SLC25A6: variants seen among roughly 807,000 people sequenced by gnomAD.
SLC25A6 encodes the protein ADP/ATP translocase 3.
Under a neutral mutation model 25.7 loss-of-function variants are expected in SLC25A6, and 9 were observed. That is an observed-to-expected ratio of 0.35 (90% CI 0.21 to 0.61). SLC25A6 has a LOEUF of 0.61. Ranked by LOEUF, SLC25A6 falls within the 20% of genes least tolerant of loss-of-function variation. The pLI is 0.76. For missense variants in SLC25A6, 404 were observed against 440.5 expected (o/e 0.92, Z 0.74); for synonymous variants, 223 against 197.0 (o/e 1.13, Z -1.11).
chrX:1,391,046 C>G (rs1300204011), intron 1 of SLC25A6, among the ~76,000 whole-genome samples: 2 of 147,748 alleles, frequency 1.4e-5, no homozygotes, highest in African/African-American at 5.0e-5. Context: ...CGGTCTTGCT[C>G]TGTTGCCCAG....
At chrX:1,388,451 C>T (rs1290768292) in intron 2 of SLC25A6, among the ~76,000 whole-genome samples, 1 of 151,922 alleles carries the variant, frequency 6.6e-6, no homozygotes, top group African/African-American at 2.4e-5. Flanking sequence ...GAGGAACCAG[C>T]CCTGCCCACA....
In SLC25A6 at chrX:1,386,692, G is replaced by C. The variant is rs757702129; in HGVS notation, c.807C>G (p.Ala269=). 6.6e-5 allele frequency: 107 copies of C among 1,612,826 alleles called. No individual in the cohort carries two copies. Among genetic ancestry groups the C allele is most frequent in the Non-Finnish European group, 8.3e-5 (98 of 1,179,336 alleles). The change falls in exon 4 of 4, where the codon GCC becomes GCG. Residue 269 remains alanine (A), a synonymous_variant. Transcript: ENST00000381401. Reference sequence around the variant, plus strand: ...CGTTGGACCACGCACCCTTGAAGAAGGCCTTGCCCCCCTCATCTCTGAAGA... The same window carrying C: ...CGTTGGACCACGCACCCTTGAAGAACGCCTTGCCCCCCTCATCTCTGAAGA... ...RKIFRDEGGK[A]FFKGAWSNVL... is the part of the protein sequence containing the mutation.
rs773910005 is a variant in SLC25A6 at position 1,390,533 on chromosome X, G to A, written c.112-806C>T. ...GCGGAGGCTACAGTGAGCCGAGATCGTGCCACTGCACTCCAGCCTGGGCGA... is the reference window on the plus strand; with the variant it reads ...GCGGAGGCTACAGTGAGCCGAGATCATGCCACTGCACTCCAGCCTGGGCGA... On this transcript the variant is annotated intron_variant, in intron 1 of 3. Coordinates refer to ENST00000381401, the MANE Select transcript of SLC25A6 (RefSeq NM_001636.4). Among the ~76,000 whole-genome samples, 209 of 151,400 alleles carry A rather than the reference G, an allele frequency of 1.4e-3. 1 individual carries two copies. Among genetic ancestry groups the A allele is most frequent in the African/African-American group, 4.4e-3 (182 of 41,194 alleles).
chrX:1,389,387 T>C lies in SLC25A6; in HGVS notation c.452A>G (p.Glu151Gly), dbSNP rs1334793541. The C allele has an allele frequency of 6.8e-6, 11 of 1,613,638 alleles. No homozygotes were observed. Among genetic ancestry groups the C allele is most frequent in the Middle Eastern group, 1.7e-4 (1 of 5,936 alleles). The change falls in exon 2 of 4, where the codon GAG becomes GGG. Residue 151 changes from glutamate (E) to glycine (G), a missense_variant. By Grantham distance (98) the Glu-to-Gly change is moderately conservative. Transcript: ENST00000381401. ...GTCTCCCAGGCCTCGGAACTCGCGC[T>C]CTGTGCCTGACTTTCCCACGTCCGC... ...LAADVGKSGT[E>G]REFRGLGDCL...
chrX:1,387,232 C>T lies in SLC25A6; in HGVS notation c.739+47G>A, dbSNP rs368012011. The T allele has an allele frequency of 1.6e-3, 2,555 of 1,602,150 alleles. 4 individuals are homozygous for T. The highest frequency in any genetic ancestry group is 3.3e-3 in the Middle Eastern group (16 of 4,842). On this transcript the variant is annotated intron_variant, in intron 3 of 3. Transcript: ENST00000381401. ...CCTCCCACGGGCCTAGGGCAAGGAG[C>T]TTGGTTCCCCTTCCCGGCAGCAAGG...
At chrX:1,389,094 A>G in intron 2 of SLC25A6, 147 bp downstream of exon 2, 11 of 758,006 alleles carry the variant, frequency 1.5e-5, no homozygotes, top group Non-Finnish European at 2.1e-5. Flanking sequence ...CACAGGGAGA[A>G]GACGGCGTCT....
At chrX:1,387,459 CG>C in intron 2 of SLC25A6, 40 bp from the exon 3 acceptor site, 1 of 1,605,722 alleles carries the variant, frequency 6.2e-7, no homozygotes, top group Non-Finnish European at 8.5e-7. Flanking sequence ...AGCGCCTGCA[CG>C]GCCACCCGAG....
chrX:1,389,219 T>C (rs1210499315), intron 2 of SLC25A6, 22 bp downstream of exon 2: 1 of 1,603,500 alleles, frequency 6.2e-7, no homozygotes, highest in East Asian at 2.2e-5. Flanking sequence ...CTCTGGGACT[T>C]CGCGATGGCA....
chrX:1,391,896 CA>C lies in SLC25A6; in HGVS notation c.111+2del. The C allele has an allele frequency of 6.3e-7, 1 of 1,598,302 alleles. No homozygotes were observed. The highest frequency in any genetic ancestry group is 8.5e-7 in the Non-Finnish European group (1 of 1,174,184). On this transcript the variant is annotated splice_donor_variant, in intron 1 of 3. Transcript: ENST00000381401. LOFTEE classifies it high-confidence loss of function. ...CCCGGAGCGGCCGCGCCCGCGTCCC[CA>C]CCTGCAGCAGCAGCTTGACCCGCTC... is the stretch of plus-strand genomic sequence containing the variant.
At chrX:1,391,374 G>A (rs1383690232) in intron 1 of SLC25A6, among the ~76,000 whole-genome samples, 1 of 152,136 alleles carries the variant, frequency 6.6e-6, no homozygotes, top group African/African-American at 2.4e-5. Flanking sequence ...TCTCCCAAAA[G>A]ACAAAAAATG....
chrX:1,391,911 C>T lies in SLC25A6; in HGVS notation c.99G>A (p.Lys33=), dbSNP rs2089419389. 6.2e-7 allele frequency: 1 copy of T among 1,607,066 alleles called. No homozygotes were observed. The highest frequency in any genetic ancestry group is 1.3e-5 in the African/African-American group (1 of 74,758). The stretch of plus-strand genomic sequence containing the variant: ...CCCGCGTCCCCACCTGCAGCAGCAG[C>T]TTGACCCGCTCGATCGGAGCCACGG... The part of the protein sequence containing the change: ...KTAVAPIERV[K]LLLQVQHASK... Residue 33 remains lysine (K), a synonymous_variant, in exon 1 of 4, where the codon AAG becomes AAA. Transcript: ENST00000381401.
chrX:1,389,595 A>C lies in SLC25A6; in HGVS notation c.244T>G (p.Phe82Val), dbSNP rs770916675. The C allele has an allele frequency of 6.2e-7, 1 of 1,614,164 alleles. No homozygotes were observed. The highest frequency in any genetic ancestry group is 8.5e-7 in the Non-Finnish European group (1 of 1,180,020). ...RGNLANVIRY[F>V]PTQALNFAFK... The stretch of plus-strand genomic sequence containing the variant: ...GCGAAGTTGAGGGCTTGAGTGGGGA[A>C]GTAGCGAATGACGTTGGCAAGGTTG... The change falls in exon 2 of 4, where the codon TTC becomes GTC. Residue 82 changes from phenylalanine to valine, a missense_variant. Transcript: ENST00000381401.
intron 3 of SLC25A6, 44 bp downstream of exon 3, chrX:1,387,235 G>T (rs750828770): frequency 1.2e-5 from 19 of 1,602,964 alleles, no homozygotes; most frequent in Non-Finnish European, 1.4e-5. Flanking sequence ...CAAGGAGCTT[G>T]GTTCCCCTTC....
intron 2 of SLC25A6, among the ~76,000 whole-genome samples, 166 bp downstream of exon 2, chrX:1,389,075 C>G (rs1365671860): frequency 1.3e-5 from 2 of 151,896 alleles, no homozygotes; most frequent in Non-Finnish European, 2.9e-5. Context: ...AGGGATGATG[C>G]TGTGAGGGCA....
chrX:1,389,623 C>A lies in SLC25A6; in HGVS notation c.216G>T (p.Arg72Ser). The change falls in exon 2 of 4, where the codon AGG becomes AGT. Residue 72 changes from arginine to serine, a missense_variant. Coordinates refer to ENST00000381401, the MANE Select transcript of SLC25A6 (RefSeq NM_001636.4). The part of the protein sequence containing the change: ...PKEQGVLSFW[R>S]GNLANVIRYF... ...AGCGAATGACGTTGGCAAGGTTGCC[C>A]CTCCAGAAGGACAGCACGCCCTGCT... 6.2e-7 allele frequency: 1 copy of A among 1,614,118 alleles called. No individual in the cohort carries two copies. The highest frequency in any genetic ancestry group is 8.5e-7 in the Non-Finnish European group (1 of 1,180,022).
At chrX:1,388,907 C>A (rs2089363394) in intron 2 of SLC25A6, among the ~76,000 whole-genome samples, 1 of 151,330 alleles carries the variant, frequency 6.6e-6, no homozygotes, top group South Asian at 2.1e-4. Flanking sequence ...GGAACCAGCC[C>A]TGCCCACACC....
In SLC25A6 at chrX:1,386,568, G is replaced by A. The variant is rs1391053073; in HGVS notation, c.*34C>T. 9 of 1,359,340 alleles carry A rather than the reference G, an allele frequency of 6.6e-6. No individual in the cohort carries two copies. Among genetic ancestry groups the A allele is most frequent in the Non-Finnish European group, 7.9e-6 (8 of 1,014,326 alleles). 84.2% of individuals were successfully genotyped at this position (1,359,340 alleles called of 1,614,324 possible). A position where few individuals can be genotyped will look rare whatever the true frequency, so the allele number is the denominator to read the frequency against. On this transcript the variant is annotated 3_prime_UTR_variant, in exon 4 of 4. Transcript: ENST00000381401. Reference sequence around the variant, plus strand: ...TCTACGTGGTTCTCTTGGTTCCCCTGGTGTGTGTGTGTGTGTGGAGGAGGC... The same window carrying A: ...TCTACGTGGTTCTCTTGGTTCCCCTAGTGTGTGTGTGTGTGTGGAGGAGGC...
At chrX:1,391,143 T>TC (rs2089403481) in intron 1 of SLC25A6, among the ~76,000 whole-genome samples, 1 of 151,520 alleles carries the variant, frequency 6.6e-6, no homozygotes, top group Non-Finnish European at 1.5e-5. Context: ...TAAAATAATT[T>TC]TTTTTGAGGT....
At chrX:1,389,762 G>A (rs1264971941) in intron 1 of SLC25A6, 35 bp from the exon 2 acceptor site, 18 of 1,600,410 alleles carry the variant, frequency 1.1e-5, no homozygotes, top group Non-Finnish European at 1.5e-5. Flanking sequence ...ACCAGACCCA[G>A]GGCCAACCAC....
Sources: allele counts gnomAD v4.1 joint callset (sites outside exome capture counted in the v4.1 genomes callset), GRCh38; gene constraint gnomAD v4.1.1; transcripts MANE v1.5; gene names NCBI Gene and HGNC (gene_info 2026-07-23, HGNC 2026-07-21).